PXDNL: variants seen among roughly 807,000 people sequenced by gnomAD.
PXDNL encodes probable oxidoreductase PXDNL.
In PXDNL, 145 loss-of-function variants were observed where a neutral mutation model predicts 150.8. That is an observed-to-expected ratio of 0.96 (90% confidence interval 0.84 to 1.10). The LOEUF (loss-of-function observed/expected upper bound fraction) is 1.10. Among genes scored for constraint, PXDNL ranks in the 50% least tolerant of loss-of-function variants. The probability of loss-of-function intolerance (pLI) is 0.00; values close to 1 mark genes in which losing one functional copy is unlikely to be tolerated. For missense variants in PXDNL, 2,087 were observed against 1,873.9 expected (o/e 1.11, Z -2.10); for synonymous variants, 757 against 725.7 (o/e 1.04, Z -0.69).
rs780321094 is a variant in PXDNL, at chr8:51,409,157, T to A, written c.2467A>T (p.Thr823Ser). Residue 823 changes from threonine (T) to serine (S), a missense_variant, in exon 17 of 23, where the codon ACA becomes TCA. Thr to Ser is a moderately conservative substitution (Grantham distance 58). Coordinates refer to ENST00000356297, the MANE Select transcript of PXDNL (RefSeq NM_144651.5). ...DLDHTVPALS[T>S]ARFSDGRPCS... ...GGCCGCCCATCCGAGAAGCGGGCTG[T>A]GCTCAGCGCAGGCACTGTGTGGTCC... The A allele has an allele frequency of 1.9e-6, 3 of 1,601,856 alleles. No homozygotes were observed. Among genetic ancestry groups the A allele is most frequent in the Non-Finnish European group, 2.5e-6 (3 of 1,177,732 alleles).
At chr8:51,652,003 C>T (rs899321683) in intron 2 of PXDNL, among the ~76,000 whole-genome samples, 5 of 152,114 alleles carry the variant, frequency 3.3e-5, no homozygotes, top group Admixed American at 2.6e-4. Context: ...CTGTTTAATA[C>T]AAAAATGCCA....
intron 1 of PXDNL, among the ~76,000 whole-genome samples, chr8:51,729,354 C>A (rs991873184): frequency 6.6e-6 from 1 of 152,070 alleles, no homozygotes; most frequent in Non-Finnish European, 1.5e-5. Flanking sequence ...CCCACTAACA[C>A]CTCACCAAAG....
chr8:51,774,384 A>G (rs577535072), intron 1 of PXDNL, among the ~76,000 whole-genome samples: 2 of 152,350 alleles, frequency 1.3e-5, no homozygotes, highest in Admixed American at 6.5e-5. Flanking sequence ...ATTGCTTTCC[A>G]GAGAAGTATG....
At chr8:51,402,428 AGAATC>A (rs1808283003) in intron 17 of PXDNL, among the ~76,000 whole-genome samples, 1 of 151,988 alleles carries the variant, frequency 6.6e-6, no homozygotes, top group African/African-American at 2.4e-5. Flanking sequence ...CTGAGGCAGG[AGAATC>A]ACTTGAATCT....
At chr8:51,402,801 G>C (rs536353136) in intron 17 of PXDNL, among the ~76,000 whole-genome samples, 2 of 151,868 alleles carry the variant, frequency 1.3e-5, no homozygotes, top group East Asian at 3.9e-4. Flanking sequence ...GTGTAATCAC[G>C]CCTGTAATCC....
At chr8:51,380,607 C>CA (rs920257652) in intron 17 of PXDNL, among the ~76,000 whole-genome samples, 17 of 151,420 alleles carry the variant, frequency 1.1e-4, no homozygotes, top group African/African-American at 2.7e-4. Context: ...AGAGTATTTG[C>CA]AAAAAAAAGT....
chr8:51,757,649 T>G (rs1277474486), intron 1 of PXDNL, among the ~76,000 whole-genome samples: 8 of 152,252 alleles, frequency 5.3e-5, no homozygotes, highest in African/African-American at 1.9e-4. Context: ...TCATCTGCAA[T>G]GTCCAATTGG....
At chr8:51,696,873 G>A (rs114401680) in intron 1 of PXDNL, among the ~76,000 whole-genome samples, 1 of 4,140 alleles carries the variant, frequency 2.4e-4, no homozygotes, top group African/African-American at 9.4e-4. Context: ...ACACACATGT[G>A]CACACACACA....
intron 6 of PXDNL, among the ~76,000 whole-genome samples, chr8:51,482,280 C>A (rs570812657): frequency 2.8e-4 from 43 of 152,276 alleles, no homozygotes; most frequent in African/African-American, 1.0e-3. Flanking sequence ...TTGCAGGGGA[C>A]TTGTAGCCCC....
chr8:51,800,931 A>G (rs2037612245), intron 1 of PXDNL, among the ~76,000 whole-genome samples: 1 of 152,208 alleles, frequency 6.6e-6, no homozygotes, highest in African/African-American at 2.4e-5. Flanking sequence ...ACAATATGAA[A>G]TCAGTGCACC....
chr8:51,352,606 C>A (rs888058876), intron 19 of PXDNL, among the ~76,000 whole-genome samples: 4 of 152,156 alleles, frequency 2.6e-5, no homozygotes, highest in African/African-American at 9.7e-5. Context: ...GAAGAAGGTG[C>A]TTTCTTCTCC....
chr8:51,347,409 A>G (rs1806191885), intron 19 of PXDNL, among the ~76,000 whole-genome samples: 2 of 152,236 alleles, frequency 1.3e-5, no homozygotes, highest in African/African-American at 4.8e-5. Context: ...ATATGAACTC[A>G]CTGGTATTAA....
intron 19 of PXDNL, among the ~76,000 whole-genome samples, chr8:51,346,470 C>A (rs1453417252): frequency 1.3e-5 from 2 of 152,056 alleles, no homozygotes; most frequent in Non-Finnish European, 2.9e-5. Context: ...TTATCACAAT[C>A]AAAAAGATAT....
chr8:51,479,612 G>A (rs1283995627), intron 6 of PXDNL, among the ~76,000 whole-genome samples: 1 of 152,168 alleles, frequency 6.6e-6, no homozygotes, highest in Non-Finnish European at 1.5e-5. Flanking sequence ...AATAGAAAGA[G>A]GAAGTCAAAT....
chr8:51,751,258 A>G (rs941000865), intron 1 of PXDNL, among the ~76,000 whole-genome samples: 1 of 152,210 alleles, frequency 6.6e-6, no homozygotes, highest in Non-Finnish European at 1.5e-5. Context: ...AAAATTACTG[A>G]TAAAATATAA....
rs1036082599 is a variant in PXDNL, at chr8:51,762,178, C to T, written c.164+47003G>A. ...AAGGGGCCTGGGGAGTCATGCCCTACAAACCATAAATTCTCACCAGATACA... is the reference window on the plus strand; with the variant it reads ...AAGGGGCCTGGGGAGTCATGCCCTATAAACCATAAATTCTCACCAGATACA... On this transcript the variant is annotated intron_variant, in intron 1 of 22. Coordinates refer to ENST00000356297, the MANE Select transcript of PXDNL (RefSeq NM_144651.5). Among the ~76,000 whole-genome samples, 5 of 152,192 alleles carry T rather than the reference C, an allele frequency of 3.3e-5. No individual in the cohort carries two copies. In the East Asian group the frequency reaches 5.8e-4, roughly 18 times the overall value.
In PXDNL at chr8:51,809,229, T is replaced by C. The variant is rs369904284; in HGVS notation, c.116A>G (p.His39Arg). Residue 39 changes from histidine (H) to arginine (R), a missense_variant, in exon 1 of 23, where the codon CAC becomes CGC. Transcript: ENST00000356297. ...CTGAGGAATGTGGTCCAGCATCAAG[T>C]GCATGCAGCGGACGGTGCTCTTAAA... ...LCFKSTVRCM[H>R]LMLDHIPQVP... 1.3e-4 allele frequency: 206 copies of C among 1,613,516 alleles called. No homozygotes were observed. Among genetic ancestry groups the C allele is most frequent in the Middle Eastern group, 1.2e-3 (7 of 6,062 alleles).
Position 51,396,732 on chromosome 8 carries a change from T to C in PXDNL, c.3557+11335A>G, listed in dbSNP as rs548253830. Among the ~76,000 whole-genome samples the C allele has an allele frequency of 1.0e-3, 157 of 152,320 alleles. 1 individual carries two copies. The highest frequency in any genetic ancestry group is 3.5e-3 in the African/African-American group (145 of 41,566). On this transcript the variant is annotated intron_variant, in intron 17 of 22. Transcript: ENST00000356297. ...GAGATTGCACCATTGCATTCCAGCCTGGGCAACAAGAATGAAACTCCGTCT... is the reference window on the plus strand; with the variant it reads ...GAGATTGCACCATTGCATTCCAGCCCGGGCAACAAGAATGAAACTCCGTCT...
At chr8:51,320,390 CTT>C (rs542812598) in intron 22 of PXDNL, among the ~76,000 whole-genome samples, 56 of 152,310 alleles carry the variant, frequency 3.7e-4, no homozygotes, top group African/African-American at 1.3e-3. Flanking sequence ...CATGATAACA[CTT>C]TTTTATTTTT....
Sources: allele counts gnomAD v4.1 joint callset (sites outside exome capture counted in the v4.1 genomes callset), GRCh38; gene constraint gnomAD v4.1.1; transcripts MANE v1.5; gene names NCBI Gene and HGNC (gene_info 2026-07-23, HGNC 2026-07-21).